Variants in ZP2 observed in about 807,000 individuals in gnomAD.
The protein encoded by ZP2 is zona pellucida glycoprotein 2, also known as zona pellucida sperm-binding protein 2.
Under a neutral mutation model 84.0 loss-of-function variants are expected in ZP2, and 51 were observed. The observed-to-expected ratio is 0.61, with a 90% CI of 0.49 to 0.77. The LOEUF is 0.77. Among genes scored for constraint, ZP2 ranks in the 30% least tolerant of loss-of-function variants. ZP2 has a pLI of 0.00. For synonymous variants in ZP2, 375 were observed against 330.9 expected (o/e 1.13, Z -1.45); for missense variants, 909 against 911.9 (o/e 1.00, Z 0.04).
chr16:21,203,106 T>C lies in ZP2; in HGVS notation c.1099+19A>G. Reference sequence around the variant, plus strand: ...AGGGAGAAAAAAGGTAGAACATGATTTTAATAAAAGGTCTTTACCTATAGA... The same window carrying C: ...AGGGAGAAAAAAGGTAGAACATGATCTTAATAAAAGGTCTTTACCTATAGA... On this transcript the variant is annotated intron_variant, in intron 10 of 18. Transcript: ENST00000574091. The C allele has an allele frequency of 6.2e-7, 1 of 1,606,936 alleles. No individual in the cohort carries two copies. The highest frequency in any genetic ancestry group is 1.1e-5 in the South Asian group (1 of 90,016).
At chr16:21,197,712 A>T in intron 18 of ZP2, 54 bp downstream of exon 18, 1 of 1,613,336 alleles carries the variant, frequency 6.2e-7, no homozygotes, top group East Asian at 2.2e-5. Context: ...AAGGGGGTAA[A>T]ACTAAGCCTT....
intron 11 of ZP2, 31 bp downstream of exon 11, chr16:21,202,073 A>ACTTAAC (rs2093228417): frequency 1.2e-6 from 2 of 1,613,376 alleles, no homozygotes; most frequent in African/African-American, 2.7e-5. Context: ...CAAAGATGAG[A>ACTTAAC]CTTAACCTCG....
In ZP2 at chr16:21,197,585, A is replaced by G; in HGVS notation, c.2133T>C (p.Asp711=). ...CAGCAGCCACAGCTTTGGAACCAAC[A>G]TCTCCAGCAGTCTTGTGCCCTTTGG... is the stretch of plus-strand genomic sequence containing the variant. ...MDTKGHKTAG[D]VGSKAVAAVA... Residue 711 remains aspartate, a synonymous_variant, in exon 19 of 19, where the codon GAT becomes GAC. Coordinates refer to ENST00000574091, the MANE Select transcript of ZP2 (RefSeq NM_001376232.1). The G allele has an allele frequency of 1.2e-6, 2 of 1,614,228 alleles. No homozygotes were observed. The highest frequency in any genetic ancestry group is 1.7e-6 in the Non-Finnish European group (2 of 1,180,030).
chr16:21,206,782 A>G, intron 5 of ZP2, 56 bp downstream of exon 5: 1 of 1,607,610 alleles, frequency 6.2e-7, no homozygotes, highest in Non-Finnish European at 8.5e-7. Context: ...TTAGATCATC[A>G]TCATATTCCC....
At position 21,209,706 on chromosome 16, in the gene ZP2, C is replaced by T. The variant is rs764370963; in HGVS notation, c.255G>A (p.Met85Ile). ...ASVVDPLGLD[M>I]PNCTYILDPE... ...GGTCCAGGATGTAAGTGCAGTTCGG[C>T]ATGTCGAGACCAAGAGGATCTGCCA... Residue 85 changes from methionine (M) to isoleucine (I), a missense_variant, in exon 4 of 19, where the codon ATG (methionine) becomes ATA (isoleucine). Met to Ile is a conservative substitution (Grantham distance 10). Transcript: ENST00000574091. 3 of 1,614,154 alleles carry T rather than the reference C, an allele frequency of 1.9e-6. No homozygotes were observed. Among genetic ancestry groups the T allele is most frequent in the Middle Eastern group, 1.6e-4 (1 of 6,062 alleles).
chr16:21,197,584 C>T lies in ZP2; in HGVS notation c.2134G>A (p.Val712Ile), dbSNP rs749185625. 1.9e-6 allele frequency: 3 copies of T among 1,614,106 alleles called. No homozygotes were observed. The highest frequency in any genetic ancestry group is 2.2e-5 in the South Asian group (2 of 91,090). The change falls in exon 19 of 19, where the codon GTT becomes ATT. Residue 712 changes from valine to isoleucine, a missense_variant. Physicochemically the swap from Val to Ile is conservative, Grantham distance 29. Coordinates refer to ENST00000574091, the MANE Select transcript of ZP2 (RefSeq NM_001376232.1). Reference protein sequence around the residue: ...DTKGHKTAGDVGSKAVAAVAA... With the variant: ...DTKGHKTAGDIGSKAVAAVAA... ...ACAGCAGCCACAGCTTTGGAACCAA[C>T]ATCTCCAGCAGTCTTGTGCCCTTTG...
Position 21,209,620 on chromosome 16 carries a change from C to T in ZP2, c.330+11G>A. 6.2e-7 allele frequency: 1 copy of T among 1,613,578 alleles called. No individual in the cohort carries two copies. Among genetic ancestry groups the T allele is most frequent in the Non-Finnish European group, 8.5e-7 (1 of 1,179,500 alleles). On this transcript the variant is annotated intron_variant, in intron 4 of 18. Coordinates refer to ENST00000574091, the MANE Select transcript of ZP2 (RefSeq NM_001376232.1). ...GTACTTCCCCAAGAACTGCTCAAAGCAATGACTTACCACTCTCCTGGTACA... is the reference window on the plus strand; with the variant it reads ...GTACTTCCCCAAGAACTGCTCAAAGTAATGACTTACCACTCTCCTGGTACA...
Position 21,201,690 on chromosome 16 carries a change from G to C in ZP2, c.1504+16C>G, listed in dbSNP as rs756372430. ...TTGAGATCATTTAAGCAATTTCACA[G>C]ACTGCAATCTCTTACCTGGGTAGCT... On this transcript the variant is annotated intron_variant, in intron 13 of 18. Coordinates refer to ENST00000574091, the MANE Select transcript of ZP2 (RefSeq NM_001376232.1). The C allele has an allele frequency of 8.7e-6, 14 of 1,613,826 alleles. No homozygotes were observed. The highest frequency in any genetic ancestry group is 2.2e-5 in the East Asian group (1 of 44,894).
At chr16:21,212,707 A>G (rs192299929), upstream of ZP2, among the ~76,000 whole-genome samples, 1 of 152,348 alleles carries the variant, frequency 6.6e-6, no homozygotes, top group Admixed American at 6.5e-5. Flanking sequence ...GTAACCCTCA[A>G]GATAAATTCC....
chr16:21,213,609 A>T (rs931175197), upstream of ZP2, among the ~76,000 whole-genome samples: 1 of 152,162 alleles, frequency 6.6e-6, no homozygotes, highest in Admixed American at 6.5e-5. Context: ...ACCACAGGTG[A>T]TTCTTATAAT....
chr16:21,210,746 T>C (rs1403523488), intron 2 of ZP2, among the ~76,000 whole-genome samples: 2 of 152,078 alleles, frequency 1.3e-5, no homozygotes, highest in Non-Finnish European at 2.9e-5. Context: ...AGCTAGTTTT[T>C]GTATTTTTGG....
chr16:21,202,170 A>T lies in ZP2; in HGVS notation c.1221T>A (p.Phe407Leu). ...GTACCAGCCCCTGAGACTGAGCCTC[A>T]AAGACAGGCTGGCAGGATGAGTTTC... ...RVGNSSCQPVFEAQSQGLVRF... is the reference protein window; with the variant it reads ...RVGNSSCQPVLEAQSQGLVRF... Residue 407 changes from phenylalanine (F) to leucine (L), a missense_variant, in exon 11 of 19, where the codon TTT (phenylalanine) becomes TTA (leucine). Phe to Leu is a conservative substitution (Grantham distance 22, BLOSUM62 0). Coordinates refer to ENST00000574091, the MANE Select transcript of ZP2 (RefSeq NM_001376232.1). The T allele has an allele frequency of 6.2e-7, 1 of 1,602,442 alleles. No homozygotes were observed. Among genetic ancestry groups the T allele is most frequent in the Non-Finnish European group, 8.5e-7 (1 of 1,177,380 alleles).
chr16:21,204,102 A>T lies in ZP2; in HGVS notation c.900T>A (p.His300Gln). The change falls in exon 9 of 19, where the codon CAT becomes CAA. Residue 300 changes from histidine (H) to glutamine (Q), a missense_variant. His to Gln is a conservative substitution (Grantham distance 24). Transcript: ENST00000574091. The stretch of plus-strand genomic sequence containing the variant: ...TTGCTTCTAGATCAATTCCATTGTC[A>T]TGCAGCTGGCTCACATCAATGTTCT... Reference protein sequence around the residue: ...ENQNIDVSQLHDNGIDLEATN... With the variant: ...ENQNIDVSQLQDNGIDLEATN... 1 of 1,614,200 alleles carries T rather than the reference A, an allele frequency of 6.2e-7. No homozygotes were observed.
rs763462776 is a variant in ZP2, at chr16:21,197,538, A to G, written c.2180T>C (p.Val727Ala). The G allele has an allele frequency of 1.3e-5, 21 of 1,614,048 alleles. No individual in the cohort carries two copies. Among genetic ancestry groups the G allele is most frequent in the Non-Finnish European group, 1.6e-5 (19 of 1,180,026 alleles). Residue 727 changes from valine (V) to alanine (A), a missense_variant, in exon 19 of 19, where the codon GTG (valine) becomes GCG (alanine). Transcript: ENST00000574091. The stretch of plus-strand genomic sequence containing the variant: ...GTAGTAGATGAAGCCTAGAGTTGCC[A>G]CCACACCTGCAAAGGCAGCCACAGC... ...VAAVAAFAGV[V>A]ATLGFIYYLY...
chr16:21,202,896 G>A (rs1160443178), intron 10 of ZP2, among the ~76,000 whole-genome samples: 1 of 152,126 alleles, frequency 6.6e-6, no homozygotes, highest in African/African-American at 2.4e-5. Context: ...AAAATATCTA[G>A]ATTGTTTAAC....
chr16:21,206,156 C>G (rs1339316985), intron 5 of ZP2, among the ~76,000 whole-genome samples: 1 of 152,290 alleles, frequency 6.6e-6, no homozygotes, highest in African/African-American at 2.4e-5. Flanking sequence ...TACTACCATA[C>G]CCGGCTAGTT....
chr16:21,201,514 C>T lies in ZP2; in HGVS notation c.1549G>A (p.Val517Met), dbSNP rs2093225153. 6.2e-7 allele frequency: 1 copy of T among 1,612,806 alleles called. No individual in the cohort carries two copies. The highest frequency in any genetic ancestry group is 2.2e-5 in the East Asian group (1 of 44,874). Residue 517 changes from valine to methionine, a missense_variant, in exon 14 of 19, where the codon GTG (valine) becomes ATG (methionine). Coordinates refer to ENST00000574091, the MANE Select transcript of ZP2 (RefSeq NM_001376232.1). Reference protein sequence around the residue: ...QPYGENEYPLVRFLRQPIYME... With the variant: ...QPYGENEYPLMRFLRQPIYME... ...TAAATTGGTTGGCGGAGGAATCTCACTAGAGGGTACTCGTTTTCCCCATAA... is the reference window on the plus strand; with the variant it reads ...TAAATTGGTTGGCGGAGGAATCTCATTAGAGGGTACTCGTTTTCCCCATAA...
At chr16:21,205,231 G>C (rs151306342) in intron 7 of ZP2, among the ~76,000 whole-genome samples, 189 bp downstream of exon 7, 1 of 152,164 alleles carries the variant, frequency 6.6e-6, no homozygotes, top group Admixed American at 6.5e-5. Context: ...GACCTCAAGC[G>C]ATCTGCCCGC....
intron 5 of ZP2, 33 bp downstream of exon 5, chr16:21,206,805 A>G: frequency 1.2e-6 from 2 of 1,613,786 alleles, no homozygotes; most frequent in East Asian, 2.2e-5. Context: ...TGCAGTAGCC[A>G]TATACCCCGA....
Sources: allele counts gnomAD v4.1 joint callset (sites outside exome capture counted in the v4.1 genomes callset), GRCh38; gene constraint gnomAD v4.1.1; transcripts MANE v1.5; gene names NCBI Gene and HGNC (gene_info 2026-07-23, HGNC 2026-07-21).